Variants in TBC1D22A observed in about 807,000 individuals in gnomAD.
TBC1D22A encodes the protein putative GTPase activator.
Under a neutral mutation model 60.2 loss-of-function variants are expected in TBC1D22A, and 38 were observed. The ratio of observed to expected loss-of-function variants is 0.63; its 90% CI spans 0.49 to 0.83. TBC1D22A has a LOEUF of 0.83. Among genes scored for constraint, TBC1D22A ranks in the 40% least tolerant of loss-of-function variants. The pLI is 0.00. For missense variants in TBC1D22A, 628 were observed against 701.0 expected (o/e 0.90, Z 1.18); for synonymous variants, 302 against 281.7 (o/e 1.07, Z -0.72).
At chr22:46,884,052 G>C (rs2067986448) in intron 5 of TBC1D22A, among the ~76,000 whole-genome samples, 1 of 152,258 alleles carries the variant, frequency 6.6e-6, no homozygotes, top group Admixed American at 6.5e-5. Context: ...AGGTTCCGTT[G>C]TGGGGCAAAC....
intron 12 of TBC1D22A, among the ~76,000 whole-genome samples, chr22:47,141,613 G>A (rs764030877): frequency 2.0e-5 from 3 of 152,148 alleles, no homozygotes; most frequent in Admixed American, 6.5e-5. Context: ...CATGTCTTCC[G>A]GAAGGCCCTC....
At chr22:46,887,919 C>T (rs2068202144) in intron 5 of TBC1D22A, among the ~76,000 whole-genome samples, 1 of 152,106 alleles carries the variant, frequency 6.6e-6, no homozygotes. Flanking sequence ...ACAGTGGAAG[C>T]TTAAGGAGGA....
chr22:46,770,307 G>A (rs1051480652), intron 1 of TBC1D22A, among the ~76,000 whole-genome samples: 5 of 152,206 alleles, frequency 3.3e-5, no homozygotes, highest in African/African-American at 9.6e-5. Flanking sequence ...GAATTCTGCC[G>A]CCAACCGGAG....
At chr22:46,981,878 T>G (rs1389769486) in intron 9 of TBC1D22A, among the ~76,000 whole-genome samples, 1 of 152,212 alleles carries the variant, frequency 6.6e-6, no homozygotes, top group East Asian at 1.9e-4. Context: ...TGGACATACC[T>G]AGACCCCCAT....
rs1198935785 is a variant in TBC1D22A at position 46,990,253 on chromosome 22, C to T, written c.1126-7381C>T. Among the ~76,000 whole-genome samples the T allele has an allele frequency of 2.0e-5, 3 of 152,086 alleles. No homozygotes were observed. The highest frequency in any genetic ancestry group is 7.2e-5 in the African/African-American group (3 of 41,386). On this transcript the variant is annotated intron_variant, in intron 9 of 12. Transcript: ENST00000337137. This position sits in a 1 kb window ranked among gnomAD's most constrained non-coding sequence, Gnocchi z 4.6. ...TTTATACGGTTGGGGTTTAGGTTGC[C>T]ATTTTCCTATTTACTTTCATCTTTT...
At chr22:46,819,774 C>T (rs570509779) in intron 4 of TBC1D22A, among the ~76,000 whole-genome samples, 69 of 152,326 alleles carry the variant, frequency 4.5e-4, no homozygotes, top group African/African-American at 1.6e-3. Context: ...GGAGGAGTCC[C>T]TCTTTTTCAA....
chr22:46,818,451 G>A (rs2147081118), intron 4 of TBC1D22A, among the ~76,000 whole-genome samples: 1 of 152,286 alleles, frequency 6.6e-6, no homozygotes, highest in Non-Finnish European at 1.5e-5. Flanking sequence ...GGGTCCAGTT[G>A]TAGTTTTGTG....
chr22:47,052,993 A>C (rs763266060), intron 11 of TBC1D22A, among the ~76,000 whole-genome samples: 40 of 152,308 alleles, frequency 2.6e-4, no homozygotes, highest in Non-Finnish European at 4.3e-4. Flanking sequence ...TCACACCTGC[A>C]CACTGGCCTC....
intron 11 of TBC1D22A, among the ~76,000 whole-genome samples, chr22:47,070,257 G>A (rs549147529): frequency 6.7e-6 from 1 of 148,824 alleles, no homozygotes; most frequent in South Asian, 2.2e-4. Flanking sequence ...GCTGTTCCCT[G>A]TTGTTTGGTT....
chr22:46,825,344 A>G (rs2086008193), intron 4 of TBC1D22A, among the ~76,000 whole-genome samples: 1 of 152,112 alleles, frequency 6.6e-6, no homozygotes, highest in South Asian at 2.1e-4. Flanking sequence ...TCCCCTCACC[A>G]GCACAGGGGA....
intron 4 of TBC1D22A, among the ~76,000 whole-genome samples, chr22:46,817,143 G>A (rs894573446): frequency 2.0e-5 from 3 of 151,934 alleles, no homozygotes; most frequent in Admixed American, 6.6e-5. Flanking sequence ...CCTTTTGGTT[G>A]TACTGGAATA....
intron 4 of TBC1D22A, among the ~76,000 whole-genome samples, chr22:46,824,960 G>A (rs2085986455): frequency 1.3e-5 from 2 of 152,132 alleles, no homozygotes; most frequent in Non-Finnish European, 2.9e-5. Flanking sequence ...ATCTGTAGCC[G>A]AGGCAGATGC....
At chr22:47,132,595 G>T (rs932857734) in intron 12 of TBC1D22A, among the ~76,000 whole-genome samples, 1 of 152,208 alleles carries the variant, frequency 6.6e-6, no homozygotes, top group African/African-American at 2.4e-5. Flanking sequence ...TCCTTGCCTG[G>T]GTCCTGCTTC....
In TBC1D22A at chr22:47,153,647, C is replaced by T. The variant is rs138802955; in HGVS notation, c.1426-19851C>T. Among the ~76,000 whole-genome samples the T allele has an allele frequency of 2.3e-3, 354 of 152,090 alleles. 2 individuals carry two copies. The highest frequency in any genetic ancestry group is 7.2e-3 in the African/African-American group (299 of 41,460). On this transcript the variant is annotated intron_variant, in intron 12 of 12. Coordinates refer to ENST00000337137, the MANE Select transcript of TBC1D22A (RefSeq NM_014346.5). ...TGAGAGATACCACCCAGGAGTGAGC[C>T]GGGAAGCAGGTGCGTTTGCAGGATG...
At chr22:47,092,059 A>G (rs2064999620) in intron 11 of TBC1D22A, among the ~76,000 whole-genome samples, 1 of 152,210 alleles carries the variant, frequency 6.6e-6, no homozygotes, top group South Asian at 2.1e-4. Context: ...GTCCTGCACC[A>G]TACAGGGACC....
At chr22:46,962,892 A>AT (rs1555971472) in intron 8 of TBC1D22A, among the ~76,000 whole-genome samples, 1 of 151,922 alleles carries the variant, frequency 6.6e-6, no homozygotes, top group Non-Finnish European at 1.5e-5. Context: ...AGTTCCTAAA[A>AT]TTTTTTTTGT....
At chr22:46,901,902 G>A (rs917359879) in intron 7 of TBC1D22A, among the ~76,000 whole-genome samples, 1 of 152,140 alleles carries the variant, frequency 6.6e-6, no homozygotes, top group Non-Finnish European at 1.5e-5. Flanking sequence ...CATTGCTGAT[G>A]CATATAGAAT....
intron 11 of TBC1D22A, among the ~76,000 whole-genome samples, chr22:47,072,632 T>TC (rs766187438): frequency 1.3e-5 from 2 of 152,220 alleles, no homozygotes; most frequent in Non-Finnish European, 2.9e-5. Context: ...TGGCTCTACA[T>TC]CCCACACCCT....
intron 12 of TBC1D22A, chr22:47,116,180 T>C (rs2066045837): frequency 6.6e-6 from 1 of 152,236 alleles, no homozygotes; most frequent in Admixed American, 6.5e-5. Flanking sequence ...CTCTGCCAGC[T>C]TCCAGGAGTG....
Sources: allele counts gnomAD v4.1 joint callset (sites outside exome capture counted in the v4.1 genomes callset), GRCh38; gene constraint gnomAD v4.1.1; non-coding constraint Gnocchi (gnomAD v3.1); transcripts MANE v1.5; gene names NCBI Gene and HGNC (gene_info 2026-07-23, HGNC 2026-07-21).